Variants in ASAP3 observed in about 807,000 individuals in gnomAD.
ASAP3 encodes the protein arf-GAP with SH3 domain, ANK repeat and PH domain-containing protein 3.
In ASAP3, 85 loss-of-function variants were observed where a neutral mutation model predicts 118.2. That is an observed-to-expected ratio of 0.72 (90% CI 0.60 to 0.86). The LOEUF (loss-of-function observed/expected upper bound fraction) is 0.86. ASAP3 is among the 40% of genes least tolerant of loss of function. The probability of loss-of-function intolerance (pLI) is 0.00; values close to 1 mark genes in which losing one functional copy is unlikely to be tolerated. For missense variants in ASAP3, 1,026 were observed against 1,175.0 expected (o/e 0.87, Z 1.85); for synonymous variants, 432 against 477.4 (o/e 0.90, Z 1.24).
intron 1 of ASAP3, among the ~76,000 whole-genome samples, chr1:23,475,036 C>T (rs540512557): frequency 1.3e-4 from 20 of 152,324 alleles, no homozygotes; most frequent in Admixed American, 2.6e-4. Context: ...CATTGTGTGC[C>T]AGTCTGGCAT....
intron 1 of ASAP3, among the ~76,000 whole-genome samples, chr1:23,475,305 A>G (rs976467434): frequency 6.6e-6 from 1 of 152,100 alleles, no homozygotes; most frequent in African/African-American, 2.4e-5. Flanking sequence ...GTGTGGCAGC[A>G]GTGTCCTGCC....
chr1:23,459,248 C>T (rs76393036), intron 1 of ASAP3, among the ~76,000 whole-genome samples: 5,247 of 151,220 alleles, frequency 0.035, 274 homozygotes, highest in African/African-American at 0.12. Context: ...GATCCATGTA[C>T]CTAGCACACA....
rs568407035 is a variant in ASAP3 at position 23,476,378 on chromosome 1, T to C, written c.129+7627A>G. 1.0e-3 allele frequency among the ~76,000 whole-genome samples: 155 copies of C among 150,654 alleles called. 1 individual carries two copies. Among genetic ancestry groups the C allele is most frequent in the African/African-American group, 3.7e-3 (151 of 40,972 alleles). ...CAAAAAAAAAAAAGAAAAAAAGAAA[T>C]GTGGGACACAATCTTGAGCACTGCC... On this transcript the variant is annotated intron_variant, in intron 1 of 24. Transcript: ENST00000336689.
chr1:23,457,287 T>C (rs1558155929), intron 1 of ASAP3, among the ~76,000 whole-genome samples: 1 of 152,020 alleles, frequency 6.6e-6, no homozygotes, highest in Non-Finnish European at 1.5e-5. Flanking sequence ...AAAAATAAAA[T>C]GGGATCAGAG....
chr1:23,479,306 C>T lies in ASAP3; in HGVS notation c.129+4699G>A, dbSNP rs116141690. On this transcript the variant is annotated intron_variant, in intron 1 of 24. Transcript: ENST00000336689. Reference sequence around the variant, plus strand: ...CAGAGGCAGGAGAGAACAAGAATGACGAAGCAGCTGCCTTAGTTCCTGACA... The same window carrying T: ...CAGAGGCAGGAGAGAACAAGAATGATGAAGCAGCTGCCTTAGTTCCTGACA... 8.1e-3 allele frequency among the ~76,000 whole-genome samples: 1,232 copies of T among 152,214 alleles called. 9 individuals are homozygous for T. Among genetic ancestry groups the T allele is most frequent in the Non-Finnish European group, 0.011 (731 of 68,022 alleles).
At chr1:23,456,368 AAAACCACACAG>A (rs1223173724) in intron 1 of ASAP3, among the ~76,000 whole-genome samples, 174 bp from the exon 2 acceptor site, 1 of 152,160 alleles carries the variant, frequency 6.6e-6, no homozygotes, top group Non-Finnish European at 1.5e-5. Flanking sequence ...CACCAAACAA[AAAACCACACAG>A]AAACCACAGA....
rs1376276760 is a variant in ASAP3 at position 23,436,319 on chromosome 1, C to T, written c.1571+241G>A. On this transcript the variant is annotated intron_variant, in intron 16 of 24. Coordinates refer to ENST00000336689, the MANE Select transcript of ASAP3 (RefSeq NM_017707.4). This position sits in a 1 kb window ranked among gnomAD's most constrained non-coding sequence, Gnocchi z 4.2. Reference sequence around the variant, plus strand: ...CTGGAATTACAGGCGTGTGCCACCACGCCCAGCTAATTCTTGTATTTTGAG... The same window carrying T: ...CTGGAATTACAGGCGTGTGCCACCATGCCCAGCTAATTCTTGTATTTTGAG... Among the ~76,000 whole-genome samples the T allele has an allele frequency of 6.6e-6, 1 of 152,242 alleles. No homozygotes were observed. Among genetic ancestry groups the T allele is most frequent in the Admixed American group, 6.5e-5 (1 of 15,282 alleles).
intron 5 of ASAP3, 76 bp downstream of exon 5, chr1:23,451,403 G>T: frequency 6.7e-7 from 1 of 1,482,732 alleles, no homozygotes; most frequent in South Asian, 1.1e-5. Flanking sequence ...GACATGTCTC[G>T]GCAGCATTTA....
At chr1:23,474,510 C>T (rs1642062950) in intron 1 of ASAP3, among the ~76,000 whole-genome samples, 1 of 152,146 alleles carries the variant, frequency 6.6e-6, no homozygotes, top group Non-Finnish European at 1.5e-5. Flanking sequence ...ACCGAGGGTC[C>T]CCAGGGCTTG....
chr1:23,456,078 G>T lies in ASAP3; in HGVS notation c.202+44C>A, dbSNP rs747097525. 63 of 1,613,948 alleles carry T rather than the reference G, an allele frequency of 3.9e-5. 2 individuals carry two copies. The South Asian group carries it at 6.4e-4, about 16-fold the overall frequency. The stretch of plus-strand genomic sequence containing the variant: ...AGTTAGCTCCAGGCTGGGGCTGGGA[G>T]AGGGGCTTCCTGACCAGGCGGGGCA... On this transcript the variant is annotated intron_variant, in intron 2 of 24. Coordinates refer to ENST00000336689, the MANE Select transcript of ASAP3 (RefSeq NM_017707.4).
intron 10 of ASAP3, among the ~76,000 whole-genome samples, chr1:23,439,568 A>G (rs1311440647): frequency 6.6e-6 from 1 of 152,204 alleles, no homozygotes; most frequent in African/African-American, 2.4e-5. Context: ...GGGAGCTCCT[A>G]GTCTGAGAGG....
chr1:23,482,671 C>G (rs942475654), intron 1 of ASAP3, among the ~76,000 whole-genome samples: 3 of 152,050 alleles, frequency 2.0e-5, no homozygotes, highest in East Asian at 1.9e-4. Context: ...CTGCCTTGGC[C>G]GGCGCGGTGG....
At chr1:23,478,083 C>T (rs921597658) in intron 1 of ASAP3, among the ~76,000 whole-genome samples, 2 of 152,210 alleles carry the variant, frequency 1.3e-5, no homozygotes, top group African/African-American at 4.8e-5. Context: ...TGGTCCACAC[C>T]GCCCAACAAA....
intron 1 of ASAP3, among the ~76,000 whole-genome samples, chr1:23,468,065 T>C (rs1035803020): frequency 2.0e-5 from 3 of 152,110 alleles, no homozygotes; most frequent in Non-Finnish European, 4.4e-5. Flanking sequence ...AGCATCTTAA[T>C]GGGGCAGTCA....
At position 23,433,112 on chromosome 1, in the gene ASAP3, G is replaced by T. The variant is rs770925310; in HGVS notation, c.2288C>A (p.Thr763Asn). 1 of 1,614,122 alleles carries T rather than the reference G, an allele frequency of 6.2e-7. No homozygotes were observed. The highest frequency in any genetic ancestry group is 8.5e-7 in the Non-Finnish European group (1 of 1,180,010). ...ATGTCTTGCACACCCTTGGACCAAA[G>T]TCCGAGAAGAGTTTTTGACTGGCAA... The part of the protein sequence containing the change: ...PPLPVKNSSR[T>N]LVQGCARHAS... Residue 763 changes from threonine (T) to asparagine (N), a missense_variant, in exon 22 of 25, where the codon ACT becomes AAT. Transcript: ENST00000336689.
chr1:23,436,980 G>A lies in ASAP3; in HGVS notation c.1407C>T (p.Arg469=). 1 of 1,612,318 alleles carries A rather than the reference G, an allele frequency of 6.2e-7. No homozygotes were observed. Among genetic ancestry groups the A allele is most frequent in the South Asian group, 1.1e-5 (1 of 90,954 alleles). The part of the protein sequence containing the change: ...LTCIQCSGVH[R]ELGVRFSRMQ... Reference sequence around the variant, plus strand: ...TGCGCGAAAAGCGCACGCCCAGTTCGCGGTGGACGCCCGAGCACTGGATGC... The same window carrying A: ...TGCGCGAAAAGCGCACGCCCAGTTCACGGTGGACGCCCGAGCACTGGATGC... Residue 469 remains arginine, a synonymous_variant, in exon 15 of 25, where the codon CGC becomes CGT. Coordinates refer to ENST00000336689, the MANE Select transcript of ASAP3 (RefSeq NM_017707.4). The surrounding 1 kb of genome is among the most constrained non-coding windows in gnomAD (Gnocchi z 4.2).
At chr1:23,480,326 CAATATAGTATGAATTCTTAGCTCTGGTCA>C (rs1291534337) in intron 1 of ASAP3, 3 of 152,210 alleles carry the variant, frequency 2.0e-5, no homozygotes, top group Admixed American at 2.0e-4. Context: ...TTGAGGCACA[CAATATAGTATGAATTCTTAGCTCTGGTCA>C]AAATGGCTTA....
intron 5 of ASAP3, 76 bp downstream of exon 5, chr1:23,451,403 G>A (rs761100645): frequency 1.2e-5 from 18 of 1,482,614 alleles, no homozygotes; most frequent in East Asian, 9.1e-5. Flanking sequence ...GACATGTCTC[G>A]GCAGCATTTA....
intron 7 of ASAP3, 25 bp from the exon 8 acceptor site, chr1:23,441,755 AG>A: frequency 1.2e-6 from 2 of 1,613,254 alleles, no homozygotes; most frequent in Non-Finnish European, 1.7e-6. Context: ...AGGCCAAACA[AG>A]GGTCCAGATA....
Sources: allele counts gnomAD v4.1 joint callset (sites outside exome capture counted in the v4.1 genomes callset), GRCh38; gene constraint gnomAD v4.1.1; non-coding constraint Gnocchi (gnomAD v3.1); transcripts MANE v1.5; gene names NCBI Gene and HGNC (gene_info 2026-07-23, HGNC 2026-07-21).